The following SYCP2L variants were observed in gnomAD, a reference collection of about 807,000 sequenced individuals.
SYCP2L encodes the protein synaptonemal complex protein 2-like.
Under a neutral mutation model 125.8 loss-of-function variants are expected in SYCP2L, and 98 were observed. That is an observed-to-expected ratio of 0.78 (90% CI 0.66 to 0.92). The LOEUF is 0.92. Among genes scored for constraint, SYCP2L ranks in the 40% least tolerant of loss-of-function variants. The pLI, the probability that SYCP2L is intolerant of heterozygous loss-of-function variation, is 0.00. For missense variants in SYCP2L, 842 were observed against 936.4 expected, an observed-to-expected ratio of 0.90 and a Z score of 1.32; for synonymous variants, 317 against 325.4, an observed-to-expected ratio of 0.97 and a Z score of 0.28.
At chr6:10,953,690 G>A (rs1006001074) in intron 23 of SYCP2L, among the ~76,000 whole-genome samples, 2 of 152,186 alleles carry the variant, frequency 1.3e-5, no homozygotes, top group African/African-American at 4.8e-5. Context: ...ACTTCTGTAG[G>A]TGTCAGGGAT....
intron 26 of SYCP2L, among the ~76,000 whole-genome samples, chr6:10,959,895 AAAG>A (rs1467247279): frequency 3.3e-5 from 5 of 151,920 alleles, no homozygotes; most frequent in Non-Finnish European, 7.4e-5. Flanking sequence ...GAAAGAAAGA[AAAG>A]AAAACACCAT....
intron 14 of SYCP2L, among the ~76,000 whole-genome samples, chr6:10,915,628 G>A (rs1447995872): frequency 6.6e-6 from 1 of 152,134 alleles, no homozygotes; most frequent in African/African-American, 2.4e-5. Context: ...CACATTTATT[G>A]ACTTGTGCAT....
chr6:10,905,971 A>G lies in SYCP2L; in HGVS notation c.642-49A>G, dbSNP rs764733317. The G allele has an allele frequency of 2.4e-5, 32 of 1,328,402 alleles. 1 individual carries two copies. The highest frequency in any genetic ancestry group is 3.0e-5 in the Non-Finnish European group (28 of 938,982). 82.3% of individuals were successfully genotyped at this position (1,328,402 alleles called of 1,614,324 possible). A position where few individuals can be genotyped will look rare whatever the true frequency, so the allele number is the denominator to read the frequency against. On this transcript the variant is annotated intron_variant, in intron 8 of 29. Transcript: ENST00000283141. Reference sequence around the variant, plus strand: ...TTTAATGCTAGTGTAGTAAAGTTTTACCTCTTGATGTTCACTTCAGTTAAA... The same window carrying G: ...TTTAATGCTAGTGTAGTAAAGTTTTGCCTCTTGATGTTCACTTCAGTTAAA...
chr6:10,969,914 T>C (rs952051856), intron 29 of SYCP2L, among the ~76,000 whole-genome samples: 7 of 152,160 alleles, frequency 4.6e-5, no homozygotes, highest in African/African-American at 1.7e-4. Context: ...TGAAATGTTA[T>C]ATGAGTATGT....
At chr6:10,948,100 T>C (rs1254890256) in intron 23 of SYCP2L, among the ~76,000 whole-genome samples, 3 of 152,170 alleles carry the variant, frequency 2.0e-5, no homozygotes, top group Non-Finnish European at 2.9e-5. Flanking sequence ...GTATCTAATA[T>C]GATATTTTGT....
chr6:10,888,289 GT>G (rs1012705929), intron 1 of SYCP2L, among the ~76,000 whole-genome samples: 1 of 151,782 alleles, frequency 6.6e-6, no homozygotes, highest in Admixed American at 6.6e-5. Context: ...TAGAGACGGG[GT>G]TTCACCATGT....
chr6:10,918,303 T>C (rs1780726082), intron 14 of SYCP2L, among the ~76,000 whole-genome samples: 1 of 152,226 alleles, frequency 6.6e-6, no homozygotes, highest in East Asian at 1.9e-4. Context: ...TTCTTGTATT[T>C]GGATGTCTTG....
intron 21 of SYCP2L, among the ~76,000 whole-genome samples, chr6:10,937,474 C>A (rs76288965): frequency 0.044 from 6,709 of 151,922 alleles, 334 homozygotes; most frequent in East Asian, 0.22. Context: ...AAATACCTAC[C>A]TTAAGAAAAA....
chr6:10,907,174 T>C (rs1351016052), intron 9 of SYCP2L, among the ~76,000 whole-genome samples: 4 of 151,926 alleles, frequency 2.6e-5, no homozygotes, highest in Admixed American at 2.0e-4. Flanking sequence ...CAAAACCTTA[T>C]CTCTACTAAA....
chr6:10,893,675 C>T (rs1780210966), intron 2 of SYCP2L, among the ~76,000 whole-genome samples, 192 bp from the exon 3 acceptor site: 1 of 152,152 alleles, frequency 6.6e-6, no homozygotes, highest in Non-Finnish European at 1.5e-5. Flanking sequence ...TTTGGGAACT[C>T]TTGTCTTAAA....
At position 10,912,083 on chromosome 6, in the gene SYCP2L, T is replaced by G. The variant is rs1435283145; in HGVS notation, c.919-590T>G. Among the ~76,000 whole-genome samples the G allele has an allele frequency of 1.3e-5, 2 of 151,854 alleles. No homozygotes were observed. The highest frequency in any genetic ancestry group is 4.8e-5 in the African/African-American group (2 of 41,346). ...ATCTGGGAGGAAACAAAGGCATTGTTAATGGTGCCTATGGAAAGGTACTTA... is the reference window on the plus strand; with the variant it reads ...ATCTGGGAGGAAACAAAGGCATTGTGAATGGTGCCTATGGAAAGGTACTTA... On this transcript the variant is annotated intron_variant, in intron 12 of 29. Coordinates refer to ENST00000283141, the MANE Select transcript of SYCP2L (RefSeq NM_001040274.3). This position sits in a 1 kb window ranked among gnomAD's most constrained non-coding sequence, Gnocchi z 4.1.
At chr6:10,932,007 T>TA (rs1554106714) in intron 20 of SYCP2L, among the ~76,000 whole-genome samples, 1 of 148,662 alleles carries the variant, frequency 6.7e-6, no homozygotes, top group Admixed American at 6.7e-5. Context: ...TTTTTTTTTT[T>TA]AACTGTTCCC....
chr6:10,902,838 C>G (rs752985725), intron 7 of SYCP2L, 37 bp from the exon 8 acceptor site: 18 of 1,612,444 alleles, frequency 1.1e-5, no homozygotes, highest in Non-Finnish European at 1.5e-5. Flanking sequence ...TCTCTGTTTT[C>G]TTTCTTCTCC....
At chr6:10,933,652 T>C (rs1156774223) in intron 20 of SYCP2L, among the ~76,000 whole-genome samples, 1 of 152,252 alleles carries the variant, frequency 6.6e-6, no homozygotes, top group East Asian at 1.9e-4. Context: ...TCTTAGTATT[T>C]ATTTTTTTGT....
chr6:10,918,959 A>G (rs1319693905), intron 14 of SYCP2L, among the ~76,000 whole-genome samples: 5 of 152,092 alleles, frequency 3.3e-5, no homozygotes, highest in Admixed American at 3.3e-4. Flanking sequence ...TATTTCATTG[A>G]ATAGTTCTCC....
In SYCP2L at chr6:10,912,927, G is replaced by C; in HGVS notation, c.1072G>C (p.Glu358Gln). The C allele has an allele frequency of 6.2e-7, 1 of 1,613,288 alleles. No individual in the cohort carries two copies. Among genetic ancestry groups the C allele is most frequent in the Non-Finnish European group, 8.5e-7 (1 of 1,179,798 alleles). Residue 358 changes from glutamate to glutamine, a missense_variant and splice_region_variant, in exon 14 of 30, where the codon GAA becomes CAA. Coordinates refer to ENST00000283141, the MANE Select transcript of SYCP2L (RefSeq NM_001040274.3). This position sits in a 1 kb window ranked among gnomAD's most constrained non-coding sequence, Gnocchi z 4.1. ...AGCGGTGATGAATTTCAGCATAACA[G>C]GTAATATGATACATTTAAACAACCC... ...KEAVMNFSIT[E>Q]TEKIKIFIIY...
At chr6:10,894,257 G>A (rs1261654536) in intron 4 of SYCP2L, 53 bp downstream of exon 4, 243 of 1,580,232 alleles carry the variant, frequency 1.5e-4, no homozygotes, top group Non-Finnish European at 1.2e-5. Flanking sequence ...GAGAACTTAG[G>A]TGGATTTAGT....
At chr6:10,920,896 T>G (rs1780788241) in intron 14 of SYCP2L, among the ~76,000 whole-genome samples, 1 of 152,006 alleles carries the variant, frequency 6.6e-6, no homozygotes. Context: ...GTTACATAGG[T>G]GCAGGATGTA....
At chr6:10,899,993 A>C (rs1015083890) in intron 6 of SYCP2L, among the ~76,000 whole-genome samples, 1 of 152,246 alleles carries the variant, frequency 6.6e-6, no homozygotes, top group Non-Finnish European at 1.5e-5. Flanking sequence ...GCATATTTGA[A>C]AAACAGTGCA....
Sources: gnomAD v4.1 joint callset for allele counts (sites outside exome capture counted in the v4.1 genomes callset) on GRCh38, gnomAD v4.1.1 for gene constraint, Gnocchi (gnomAD v3.1) non-coding constraint, MANE v1.5 for transcripts, NCBI Gene and HGNC (gene_info 2026-07-23, HGNC 2026-07-21) for gene names.